The following NYAP2 variants were observed in gnomAD, a reference collection of about 807,000 sequenced individuals.
NYAP2 encodes the protein neuronal tyrosine-phosphorylated phosphoinositide-3-kinase adapter 2.
NYAP2 carries 23 observed loss-of-function variants against 50.4 expected under a neutral mutation model. That is an observed-to-expected ratio of 0.46 (90% CI 0.33 to 0.65). NYAP2 has a LOEUF of 0.65. NYAP2 is among the 30% of genes least tolerant of loss of function. NYAP2 has a pLI of 0.02. For synonymous variants in NYAP2, 394 were observed against 365.2 expected (o/e 1.08, Z -0.90); for missense variants, 885 against 861.0 (o/e 1.03, Z -0.35).
intron 3 of NYAP2, among the ~76,000 whole-genome samples, chr2:225,498,461 G>A (rs570850635): frequency 2.0e-4 from 30 of 152,164 alleles, no homozygotes; most frequent in African/African-American, 7.0e-4. Context: ...AGAAGGCTGG[G>A]CCACATTAAG....
chr2:225,643,618 A>G, intron 6 of NYAP2, among the ~76,000 whole-genome samples: 1 of 118,118 alleles, frequency 8.5e-6, no homozygotes, highest in Non-Finnish European at 1.7e-5. Context: ...AACAGTCCCC[A>G]GAGTGTGATG....
chr2:225,677,772 T>C, the NYAP2 span, among the ~76,000 whole-genome samples: 51 of 152,306 alleles, frequency 3.3e-4, no homozygotes, highest in East Asian at 8.3e-3. Context: ...ATCTTCTTGA[T>C]CATCTTAAAT....
intron 3 of NYAP2, among the ~76,000 whole-genome samples, chr2:225,420,156 G>A (rs530795114): frequency 3.5e-4 from 54 of 152,258 alleles, no homozygotes; most frequent in African/African-American, 1.3e-3. Flanking sequence ...ATTGATGATG[G>A]CTTCTCCTAG....
Position 225,498,896 on chromosome 2 carries a change from T to C in NYAP2, c.222-14475T>C, listed in dbSNP as rs1235140627. Among the ~76,000 whole-genome samples, 3 of 152,200 alleles carry C rather than the reference T, an allele frequency of 2.0e-5. 1 individual carries two copies. Among genetic ancestry groups the C allele is most frequent in the African/African-American group, 7.2e-5 (3 of 41,452 alleles). ...ATGACATTGGCTTGGAACATGCTAA[T>C]CTTGGGTGTCAAAGGAACACCCATT... On this transcript the variant is annotated intron_variant, in intron 3 of 6. Coordinates refer to ENST00000636099, the Ensembl canonical transcript of NYAP2.
chr2:225,486,170 C>T (rs1332974033), intron 3 of NYAP2, among the ~76,000 whole-genome samples: 1 of 152,166 alleles, frequency 6.6e-6, no homozygotes, highest in Non-Finnish European at 1.5e-5. Context: ...CTTCCTTCTC[C>T]TGGCTATTAT....
At chr2:225,583,412 C>T (rs1472963201) in intron 5 of NYAP2, among the ~76,000 whole-genome samples, 1 of 152,020 alleles carries the variant, frequency 6.6e-6, no homozygotes, top group Non-Finnish European at 1.5e-5. Context: ...CTTTGAGTTG[C>T]AATCTTAACG....
intron 3 of NYAP2, among the ~76,000 whole-genome samples, chr2:225,411,576 A>T (rs1281180705): frequency 6.6e-6 from 1 of 152,076 alleles, no homozygotes; most frequent in Admixed American, 6.6e-5. Flanking sequence ...TTTCACCATC[A>T]TGAGCCAAGG....
At chr2:225,562,825 C>T (rs371486902) in intron 4 of NYAP2, among the ~76,000 whole-genome samples, 2 of 152,042 alleles carry the variant, frequency 1.3e-5, no homozygotes, top group African/African-American at 2.4e-5. Flanking sequence ...ATTGTTTTGT[C>T]GGTACCTAAA....
At chr2:225,555,588 A>G (rs917430729) in intron 4 of NYAP2, among the ~76,000 whole-genome samples, 2 of 152,136 alleles carry the variant, frequency 1.3e-5, no homozygotes, top group African/African-American at 2.4e-5. Context: ...CTAGTTTTCA[A>G]TGGTAAATGT....
chr2:225,562,981 C>T (rs1691900821), intron 4 of NYAP2, among the ~76,000 whole-genome samples: 1 of 152,114 alleles, frequency 6.6e-6, no homozygotes, highest in Non-Finnish European at 1.5e-5. Context: ...CACTTACCCA[C>T]TTCATGGCAA....
At chr2:225,434,711 C>T (rs1022194475) in intron 3 of NYAP2, among the ~76,000 whole-genome samples, 1 of 152,108 alleles carries the variant, frequency 6.6e-6, no homozygotes, top group Non-Finnish European at 1.5e-5. Flanking sequence ...ATGGACAGTG[C>T]CATTGTTGTA....
chr2:225,465,118 T>A (rs928296614), intron 3 of NYAP2, among the ~76,000 whole-genome samples: 1 of 152,142 alleles, frequency 6.6e-6, no homozygotes, highest in Non-Finnish European at 1.5e-5. Flanking sequence ...AATAGCAAAT[T>A]TCCTTAGGTT....
the NYAP2 span, among the ~76,000 whole-genome samples, chr2:225,695,139 C>T: frequency 6.6e-6 from 1 of 151,584 alleles, no homozygotes; most frequent in Admixed American, 6.6e-5. Flanking sequence ...AGCATTTCTG[C>T]TTGACACAAA....
chr2:225,634,715 C>A (rs764097099), intron 6 of NYAP2, among the ~76,000 whole-genome samples: 8 of 152,146 alleles, frequency 5.3e-5, no homozygotes, highest in Non-Finnish European at 1.2e-4. Context: ...AGACAGTGGG[C>A]ACTCTGGCTC....
At chr2:225,672,509 G>T in the NYAP2 span, among the ~76,000 whole-genome samples, 1 of 152,096 alleles carries the variant, frequency 6.6e-6, no homozygotes, top group African/African-American at 2.4e-5. Context: ...CAGCAAGAAG[G>T]CTGTTTCACT....
At chr2:225,427,896 T>C (rs1695309511) in intron 3 of NYAP2, among the ~76,000 whole-genome samples, 1 of 152,142 alleles carries the variant, frequency 6.6e-6, no homozygotes, top group African/African-American at 2.4e-5. Flanking sequence ...GAGCATTTTA[T>C]TCCAAAACAA....
intron 5 of NYAP2, among the ~76,000 whole-genome samples, chr2:225,626,220 A>G (rs1357297477): frequency 6.6e-6 from 1 of 152,230 alleles, no homozygotes; most frequent in Non-Finnish European, 1.5e-5. Context: ...TGGTCCAGGC[A>G]TCTGATAAAA....
At chr2:225,612,860 T>TGTGA (rs1692924579) in intron 5 of NYAP2, among the ~76,000 whole-genome samples, 1 of 40,212 alleles carries the variant, frequency 2.5e-5, no homozygotes, top group African/African-American at 6.3e-5. Context: ...CACATCTGGG[T>TGTGA]CTAGAGCTTC....
At chr2:225,667,066 G>A in the NYAP2 span, among the ~76,000 whole-genome samples, 9 of 152,170 alleles carry the variant, frequency 5.9e-5, no homozygotes, top group East Asian at 3.9e-4. Context: ...CTCCAGACCC[G>A]TTAGATAGGA....
Sources: gnomAD v4.1 joint callset for allele counts (sites outside exome capture counted in the v4.1 genomes callset) on GRCh38, gnomAD v4.1.1 for gene constraint, MANE v1.5 for transcripts, NCBI Gene and HGNC (gene_info 2026-07-23, HGNC 2026-07-21) for gene names.